The following TAF4 variants were observed in gnomAD, a reference collection of about 807,000 sequenced individuals.
The protein encoded by TAF4 is transcription initiation factor TFIID subunit 4.
Under a neutral mutation model 90.3 loss-of-function variants are expected in TAF4, and 9 were observed. The observed-to-expected ratio is 0.10, with a 90% CI of 0.06 to 0.17. The LOEUF is 0.17. TAF4 is among the 10% of genes least tolerant of loss of function. The probability of loss-of-function intolerance (pLI) is 1.00; values close to 1 mark genes in which losing one functional copy is unlikely to be tolerated. For missense variants in TAF4, 1,351 were observed against 1,370.7 expected, an observed-to-expected ratio of 0.99 and a Z score of 0.23; for synonymous variants, 818 against 638.9, an observed-to-expected ratio of 1.28 and a Z score of -4.23.
intron 1 of TAF4, among the ~76,000 whole-genome samples, chr20:62,017,154 A>C (rs963231350): frequency 6.6e-6 from 1 of 151,974 alleles, no homozygotes; most frequent in African/African-American, 2.4e-5. Flanking sequence ...AAAACAAAAA[A>C]AAAAAATGTT....
rs966992257 is a variant in TAF4, at chr20:62,065,173, G to C, written c.638C>G (p.Pro213Arg). 7 of 1,214,046 alleles carry C rather than the reference G, an allele frequency of 5.8e-6. No homozygotes were observed. The highest frequency in any genetic ancestry group is 7.4e-6 in the Non-Finnish European group (7 of 950,740). The allele number at this position is 1,214,046 out of a possible 1,614,324, so 75.2% of individuals were successfully genotyped here. The change falls in exon 1 of 15, where the codon CCT (proline) becomes CGT (arginine). Residue 213 changes from proline (P) to arginine (R), a missense_variant. By Grantham distance (103) the Pro-to-Arg change is moderately radical (BLOSUM62 -2). Transcript: ENST00000252996. ...ALLNSHHAAA[P>R]AVSLVNNGPA... is the part of the protein sequence containing the mutation. ...CCCGTTGTTGACCAGGCTGACAGCA[G>C]GTGCGGCGGCGTGGTGCGAGTTCAG...
chr20:62,040,510 C>A (rs1194036882), intron 1 of TAF4, among the ~76,000 whole-genome samples: 1 of 152,264 alleles, frequency 6.6e-6, no homozygotes, highest in African/African-American at 2.4e-5. Context: ...CAGAATGATT[C>A]CGATCCTGTA....
At position 62,065,718 on chromosome 20, in the gene TAF4, C is replaced by T; in HGVS notation, c.93G>A (p.Ser31=). ...VVSDLVGSLE[S]QLAASAAHHH... ...GGTGGGCCGCGCTGGCCGCCAGCTG[C>T]GACTCCAGCGAGCCCACCAGGTCGC... is the stretch of plus-strand genomic sequence containing the variant. Residue 31 remains serine, a synonymous_variant, in exon 1 of 15, where the codon TCG becomes TCA. Coordinates refer to ENST00000252996, the MANE Select transcript of TAF4 (RefSeq NM_003185.4). 3.1e-6 allele frequency: 4 copies of T among 1,302,760 alleles called. No individual in the cohort carries two copies. The highest frequency in any genetic ancestry group is 2.0e-6 in the Non-Finnish European group (2 of 1,006,896). The allele number at this position is 1,302,760 out of a possible 1,614,324, so 80.7% of individuals were successfully genotyped here.
In TAF4 at chr20:62,006,711, GA is replaced by G; in HGVS notation, c.2021del (p.Phe674SerfsTer25). 1 of 1,577,266 alleles carries G rather than the reference GA, an allele frequency of 6.3e-7. No homozygotes were observed. On this transcript the variant is annotated frameshift_variant, in exon 7 of 15. Coordinates refer to ENST00000252996, the MANE Select transcript of TAF4 (RefSeq NM_003185.4). LOFTEE classifies it high-confidence loss of function. This position sits in a 1 kb window ranked among gnomAD's most constrained non-coding sequence, Gnocchi z 7.0. ...GCGGCTGCTGCTGGCTCTGCTGGAT[GA>G]AGGCCGCGGAGTCGGGGGTCAGCTG... Reference protein sequence around the residue: ...LRQLTPDSAAFIQQSQQQPPP... With the variant: ...LRQLTPDSAAXIQQSQQQPPP...
chr20:62,039,569 A>G (rs532232352), intron 1 of TAF4, among the ~76,000 whole-genome samples: 12 of 152,364 alleles, frequency 7.9e-5, no homozygotes, highest in Non-Finnish European at 1.6e-4. Flanking sequence ...TTTATTTAAG[A>G]AGGCACAGGA....
chr20:62,007,321 C>A (rs1268668425), intron 6 of TAF4, among the ~76,000 whole-genome samples: 2 of 152,232 alleles, frequency 1.3e-5, no homozygotes, highest in Non-Finnish European at 2.9e-5. Flanking sequence ...CACCACCTTG[C>A]GCACGACAGA....
intron 1 of TAF4, among the ~76,000 whole-genome samples, chr20:62,063,756 C>T (rs970884321): frequency 6.6e-6 from 1 of 152,236 alleles, no homozygotes; most frequent in Non-Finnish European, 1.5e-5. Context: ...CAGTGACACA[C>T]ACGGTGCTGA....
intron 14 of TAF4, among the ~76,000 whole-genome samples, chr20:61,987,338 G>A (rs6089581): frequency 0.6 from 91,662 of 151,944 alleles, 28,106 homozygotes; most frequent in Middle Eastern, 0.76. Flanking sequence ...GAGGAGCCGC[G>A]AGGGTCCCGG....
chr20:62,008,146 T>G (rs1388981346), intron 5 of TAF4: 2 of 152,908 alleles, frequency 1.3e-5, no homozygotes, highest in Non-Finnish European at 2.9e-5. Context: ...GCCCAGAGTC[T>G]ACAGTCAGAC....
chr20:61,983,263 G>A (rs1332908140), intron 14 of TAF4, among the ~76,000 whole-genome samples: 2 of 142,236 alleles, frequency 1.4e-5, no homozygotes, highest in Non-Finnish European at 3.1e-5. Context: ...AAGTAACCAG[G>A]AAGACACAGA....
Position 62,065,090 on chromosome 20 carries a change from G to C in TAF4, c.721C>G (p.Pro241Ala). 1 of 1,004,780 alleles carries C rather than the reference G, an allele frequency of 1.0e-6. No individual in the cohort carries two copies. The highest frequency in any genetic ancestry group is 1.2e-6 in the Non-Finnish European group (1 of 840,152). The allele number at this position is 1,004,780 out of a possible 1,614,324, so 62.2% of individuals were successfully genotyped here. Residue 241 changes from proline to alanine, a missense_variant, in exon 1 of 15, where the codon CCC becomes GCC. By Grantham distance (27) the Pro-to-Ala change is conservative. Transcript: ENST00000252996. ...GGCGCGGCGGCGCCCACGAAGGGGGGCGTCTGGATGACAGTGCCGGGGGCG... is the reference window on the plus strand; with the variant it reads ...GGCGCGGCGGCGCCCACGAAGGGGGCCGTCTGGATGACAGTGCCGGGGGCG... ...PAAPGTVIQTPPFVGAAAPPA... is the reference protein window; with the variant it reads ...PAAPGTVIQTAPFVGAAAPPA...
chr20:61,997,465 ATG>A (rs2055670202), intron 14 of TAF4, 83 bp downstream of exon 14: 5 of 1,342,338 alleles, frequency 3.7e-6, no homozygotes, highest in Non-Finnish European at 4.8e-6. Flanking sequence ...AAATTCCCCT[ATG>A]TGTGTCCGTC....
At chr20:62,043,937 C>G (rs534143035) in intron 1 of TAF4, among the ~76,000 whole-genome samples, 3 of 152,192 alleles carry the variant, frequency 2.0e-5, no homozygotes, top group African/African-American at 7.2e-5. Flanking sequence ...GCAGGCTGGA[C>G]GGGAAGACAC....
At chr20:61,979,925 C>T (rs1041034052) in intron 14 of TAF4, among the ~76,000 whole-genome samples, 6 of 152,254 alleles carry the variant, frequency 3.9e-5, no homozygotes, top group Admixed American at 1.3e-4. Context: ...GGCGCAATGG[C>T]GCAAAACAGA....
At chr20:62,028,185 C>A (rs143097720) in intron 1 of TAF4, among the ~76,000 whole-genome samples, 31 of 152,272 alleles carry the variant, frequency 2.0e-4, no homozygotes, top group African/African-American at 7.0e-4. Flanking sequence ...GTCAGAGTGA[C>A]CAACAGGGAC....
rs1429836662 is a variant in TAF4 at position 62,064,719 on chromosome 20, G to A, written c.1092C>T (p.Ser364=). The A allele has an allele frequency of 1.6e-6, 2 of 1,229,692 alleles. No individual in the cohort carries two copies. Among genetic ancestry groups the A allele is most frequent in the African/African-American group, 1.6e-5 (1 of 62,178 alleles). The allele number at this position is 1,229,692 out of a possible 1,614,324, so 76.2% of individuals were successfully genotyped here. A position where few individuals can be genotyped will look rare whatever the true frequency, so the allele number is the denominator to read the frequency against. Reference sequence around the variant, plus strand: ...TGCTGGCCGCCGTGCTGGCCGGGCCGCTGGCCGCCAGGGTCTGCGCCGCCG... The same window carrying A: ...TGCTGGCCGCCGTGCTGGCCGGGCCACTGGCCGCCAGGGTCTGCGCCGCCG... ...APPAAQTLAA[S]GPASTAASMV... Residue 364 remains serine, a synonymous_variant, in exon 1 of 15, where the codon AGC becomes AGT. Transcript: ENST00000252996.
intron 14 of TAF4, among the ~76,000 whole-genome samples, chr20:61,986,441 A>T (rs1482607224): frequency 7.8e-6 from 1 of 128,454 alleles, no homozygotes; most frequent in South Asian, 2.6e-4. Context: ...CACCATCCCC[A>T]ATCAAAGGAA....
chr20:62,003,367 A>G lies in TAF4; in HGVS notation c.2372-93T>C, dbSNP rs539180108. 28 of 1,012,458 alleles carry G rather than the reference A, an allele frequency of 2.8e-5. No individual in the cohort carries two copies. In the African/African-American group the frequency reaches 4.5e-4, roughly 16 times the overall value. 62.7% of individuals were successfully genotyped at this position (1,012,458 alleles called of 1,614,324 possible). A position where few individuals can be genotyped will look rare whatever the true frequency, so the allele number is the denominator to read the frequency against. On this transcript the variant is annotated intron_variant, in intron 8 of 14. Coordinates refer to ENST00000252996, the MANE Select transcript of TAF4 (RefSeq NM_003185.4). ...TTACAGGCTCAAGGGCACAGCTACC[A>G]CTCTCCTAATTAGCTACAAGAAAGT...
intron 1 of TAF4, among the ~76,000 whole-genome samples, chr20:62,048,847 C>A (rs1352311420): frequency 6.1e-5 from 9 of 147,278 alleles, no homozygotes; most frequent in Non-Finnish European, 1.3e-4. Flanking sequence ...CACCCCAGCC[C>A]TCTCCCCACA....
Sources: gnomAD v4.1 joint callset for allele counts (sites outside exome capture counted in the v4.1 genomes callset) on GRCh38, gnomAD v4.1.1 for gene constraint, Gnocchi (gnomAD v3.1) non-coding constraint, MANE v1.5 for transcripts, NCBI Gene and HGNC (gene_info 2026-07-23, HGNC 2026-07-21) for gene names.